Variants in HSP90AA1 observed in about 807,000 individuals in gnomAD.
HSP90AA1 encodes the protein heat shock protein HSP 90-alpha.
HSP90AA1 carries 18 observed loss-of-function variants against 73.3 expected under a neutral mutation model. The ratio of observed to expected loss-of-function variants is 0.25; its 90% CI spans 0.17 to 0.36. The LOEUF (loss-of-function observed/expected upper bound fraction) is 0.36. HSP90AA1 is among the 10% of genes least tolerant of loss of function. The probability of loss-of-function intolerance (pLI) is 1.00; values close to 1 mark genes in which losing one functional copy is unlikely to be tolerated. For missense variants in HSP90AA1, 704 were observed against 874.2 expected, an observed-to-expected ratio of 0.81 and a Z score of 2.45; for synonymous variants, 477 against 296.9, an observed-to-expected ratio of 1.61 and a Z score of -6.24.
intron 1 of HSP90AA1, among the ~76,000 whole-genome samples, chr14:102,116,198 C>A (rs1381476934): frequency 7.2e-5 from 11 of 151,960 alleles, no homozygotes; most frequent in Admixed American, 7.2e-4. Flanking sequence ...CGTGATCCAC[C>A]AACCTTGGCC....
chr14:102,108,470 C>T (rs2049598204), intron 1 of HSP90AA1, among the ~76,000 whole-genome samples: 1 of 148,740 alleles, frequency 6.7e-6, no homozygotes, highest in Non-Finnish European at 1.5e-5. Flanking sequence ...TTGATCCTAT[C>T]ATTAACAAAT....
At chr14:102,129,351 C>G (rs539338381) in intron 1 of HSP90AA1, among the ~76,000 whole-genome samples, 70 of 151,644 alleles carry the variant, frequency 4.6e-4, no homozygotes, top group Non-Finnish European at 8.8e-4. Context: ...ATTCACCCAA[C>G]GACTATTATT....
At chr14:102,126,716 G>C (rs557933176) in intron 1 of HSP90AA1, among the ~76,000 whole-genome samples, 1 of 152,230 alleles carries the variant, frequency 6.6e-6, no homozygotes, top group Admixed American at 6.6e-5. Flanking sequence ...TTTTAGTAGA[G>C]ATGGGGTTTC....
In HSP90AA1 at chr14:102,085,752, G is replaced by A. The variant is rs201876874; in HGVS notation, c.529+6C>T. On this transcript the variant is annotated splice_donor_region_variant and intron_variant, in intron 3 of 10. Transcript: ENST00000216281. ...TCACTTAACCAGTGAATGTTCAGGTGCCTACCTGTGTCTGTCCTCACTGTG... is the reference window on the plus strand; with the variant it reads ...TCACTTAACCAGTGAATGTTCAGGTACCTACCTGTGTCTGTCCTCACTGTG... The A allele has an allele frequency of 2.1e-5, 34 of 1,613,860 alleles. No homozygotes were observed. The highest frequency in any genetic ancestry group is 2.7e-5 in the Non-Finnish European group (32 of 1,179,878).
chr14:102,086,616 G>C (rs1408847923), intron 1 of HSP90AA1, among the ~76,000 whole-genome samples: 1 of 151,658 alleles, frequency 6.6e-6, no homozygotes, highest in Non-Finnish European at 1.5e-5. Flanking sequence ...CCCCGCCGCG[G>C]TCCCCAACGA....
At chr14:102,082,788 T>C in intron 9 of HSP90AA1, 1 of 517,146 alleles carries the variant, frequency 1.9e-6, no homozygotes, top group South Asian at 2.0e-5. Context: ...CCTGGTTTAT[T>C]TTTTTCTATT....
At chr14:102,088,074 A>G (rs1238760641), upstream of HSP90AA1, among the ~76,000 whole-genome samples, 11 of 147,440 alleles carry the variant, frequency 7.5e-5, 1 homozygote, top group Non-Finnish European at 4.5e-5. Context: ...CAGCTTTCCC[A>G]GTAGCTGGGA....
intron 2 of HSP90AA1, among the ~76,000 whole-genome samples, chr14:102,092,409 T>C (rs2049371120): frequency 6.6e-6 from 1 of 152,216 alleles, no homozygotes; most frequent in Non-Finnish European, 1.5e-5. Context: ...TCAGAGAACA[T>C]ACTTTGCATG....
intron 4 of HSP90AA1, 147 bp from the exon 5 acceptor site, chr14:102,085,145 T>A: frequency 6.8e-7 from 1 of 1,475,258 alleles, no homozygotes; most frequent in East Asian, 2.3e-5. Flanking sequence ...TACATCCACT[T>A]AATAGCCCGA....
chr14:102,132,612 T>C (rs1034529686), intron 1 of HSP90AA1, among the ~76,000 whole-genome samples: 1 of 152,060 alleles, frequency 6.6e-6, no homozygotes, highest in Admixed American at 6.6e-5. Context: ...TTCCTACGCT[T>C]AAGTGTGCAT....
upstream of HSP90AA1, among the ~76,000 whole-genome samples, chr14:102,090,383 A>C (rs1486971643): frequency 6.6e-6 from 1 of 151,164 alleles, no homozygotes; most frequent in African/African-American, 2.4e-5. Context: ...CTCCAACCCC[A>C]AGTTCTTCCA....
At chr14:102,107,394 G>A (rs755383992) in intron 1 of HSP90AA1, among the ~76,000 whole-genome samples, 3 of 151,736 alleles carry the variant, frequency 2.0e-5, no homozygotes, top group African/African-American at 4.9e-5. Context: ...GCATGATCTC[G>A]GCTCACTGCA....
chr14:102,120,738 T>C (rs975592854), intron 1 of HSP90AA1, among the ~76,000 whole-genome samples: 7 of 151,400 alleles, frequency 4.6e-5, no homozygotes, highest in African/African-American at 1.7e-4. Flanking sequence ...AGGTCAGGAG[T>C]TCAAGACCAG....
intron 2 of HSP90AA1, chr14:102,101,804 G>A: frequency 7.7e-7 from 1 of 1,290,858 alleles, no homozygotes; most frequent in Non-Finnish European, 1.1e-6. Context: ...CCAACCACCG[G>A]TTGGTTGGAT....
At chr14:102,129,107 C>G (rs2049873160) in intron 1 of HSP90AA1, among the ~76,000 whole-genome samples, 1 of 150,676 alleles carries the variant, frequency 6.6e-6, no homozygotes, top group African/African-American at 2.4e-5. Context: ...AAATTGAGCA[C>G]TATAGATAGA....
At chr14:102,103,365 C>T (rs1797947178) in intron 1 of HSP90AA1, among the ~76,000 whole-genome samples, 1 of 151,828 alleles carries the variant, frequency 6.6e-6, no homozygotes, top group African/African-American at 2.4e-5. Context: ...TACAGCCGCA[C>T]ACTACCATGT....
intron 1 of HSP90AA1, among the ~76,000 whole-genome samples, chr14:102,128,550 C>T (rs995774174): frequency 6.6e-6 from 1 of 151,528 alleles, no homozygotes; most frequent in South Asian, 2.1e-4. Flanking sequence ...ATTGCTTGAA[C>T]CCAGGAGGCA....
chr14:102,086,965 GC>G lies in HSP90AA1; in HGVS notation c.-1+20del. 1 of 983,848 alleles carries G rather than the reference GC, an allele frequency of 1.0e-6. No individual in the cohort carries two copies. The highest frequency in any genetic ancestry group is 1.7e-5 in the African/African-American group (1 of 57,204). The allele number at this position is 983,848 out of a possible 1,614,324, so 60.9% of individuals were successfully genotyped here. A position where few individuals can be genotyped will look rare whatever the true frequency, so the allele number is the denominator to read the frequency against. On this transcript the variant is annotated intron_variant, in intron 1 of 10. Coordinates refer to ENST00000216281, the MANE Select transcript of HSP90AA1 (RefSeq NM_005348.4). ...CCCGGTCCCCAGTCCACCTCCACAGGCCCCCACAACCACCCGTCACCTTGGC... is the reference window on the plus strand; with the variant it reads ...CCCGGTCCCCAGTCCACCTCCACAGGCCCCACAACCACCCGTCACCTTGGC...
chr14:102,134,660 C>T (rs948482455), intron 1 of HSP90AA1, among the ~76,000 whole-genome samples: 9 of 152,016 alleles, frequency 5.9e-5, no homozygotes, highest in African/African-American at 1.2e-4. Context: ...TGGAGTTGTT[C>T]GTTCCTCCCG....
Sources: allele counts gnomAD v4.1 joint callset (sites outside exome capture counted in the v4.1 genomes callset), GRCh38; gene constraint gnomAD v4.1.1; transcripts MANE v1.5; gene names NCBI Gene and HGNC (gene_info 2026-07-23, HGNC 2026-07-21).